The following EPM2A variants were observed in gnomAD, a reference collection of about 807,000 sequenced individuals.
The protein encoded by EPM2A is laforin.
A neutral mutation model predicts 26.5 loss-of-function variants in EPM2A; 21 were observed. The observed-to-expected ratio is 0.79, with a 90% CI of 0.56 to 1.14. The LOEUF is 1.14. EPM2A is among the 50% of genes most tolerant of loss of function. EPM2A has a pLI of 0.00. For missense variants in EPM2A, 458 were observed against 440.8 expected, an observed-to-expected ratio of 1.04 and a Z score of -0.35; for synonymous variants, 217 against 177.6, an observed-to-expected ratio of 1.22 and a Z score of -1.76.
rs531327192 is a variant in EPM2A, at chr6:145,675,695, A to G, written c.476+10427T>C. Among the ~76,000 whole-genome samples the G allele has an allele frequency of 1.8e-3, 275 of 152,348 alleles. 1 individual carries two copies. Among genetic ancestry groups the G allele is most frequent in the African/African-American group, 6.4e-3 (268 of 41,588 alleles). On this transcript the variant is annotated intron_variant, in intron 2 of 3. Coordinates refer to ENST00000367519, the MANE Select transcript of EPM2A (RefSeq NM_005670.4). ...AGATTAAAAGAGATAAGGCCATTAC[A>G]TAATGGTAAAGGGATCAATTCAACA...
intron 2 of EPM2A, among the ~76,000 whole-genome samples, chr6:145,509,273 C>G (rs1401994491): frequency 6.6e-6 from 1 of 151,974 alleles, no homozygotes; most frequent in Non-Finnish European, 1.5e-5. Flanking sequence ...TGAACATCAC[C>G]AAGGTACATA....
chr6:145,434,517 A>T (rs987876174), intron 4 of EPM2A, among the ~76,000 whole-genome samples: 2 of 151,836 alleles, frequency 1.3e-5, no homozygotes, highest in South Asian at 4.2e-4. Context: ...TATTTCTGGG[A>T]TTTCTATTTG....
At chr6:145,463,580 G>A (rs1779352630) in intron 4 of EPM2A, among the ~76,000 whole-genome samples, 2 of 151,804 alleles carry the variant, frequency 1.3e-5, no homozygotes, top group African/African-American at 4.8e-5. Context: ...ATATGTGCTG[G>A]AGATCTTTCC....
At chr6:145,393,455 A>T (rs1489455502) in intron 4 of EPM2A, among the ~76,000 whole-genome samples, 3 of 152,202 alleles carry the variant, frequency 2.0e-5, no homozygotes, top group Non-Finnish European at 2.9e-5. Context: ...CCTGATCATC[A>T]TAAAGAAAAC....
At chr6:145,483,590 T>C (rs1233726357) in intron 4 of EPM2A, among the ~76,000 whole-genome samples, 3 of 152,164 alleles carry the variant, frequency 2.0e-5, no homozygotes, top group Non-Finnish European at 4.4e-5. Flanking sequence ...AAGTGAATCA[T>C]CCAGAGATAA....
intron 3 of EPM2A, among the ~76,000 whole-genome samples, chr6:145,634,327 C>A (rs1776491716): frequency 6.6e-6 from 1 of 152,206 alleles, no homozygotes; most frequent in Admixed American, 6.5e-5. Context: ...TTCCATGCTT[C>A]TGTGCCATAG....
At position 145,490,788 on chromosome 6, in the gene EPM2A, C is replaced by T. The variant is rs1029673502; in HGVS notation, c.555+11734G>A. 4.6e-5 allele frequency: 26 copies of T among 570,542 alleles called. 1 individual carries two copies. Among genetic ancestry groups the T allele is most frequent in the Middle Eastern group, 2.9e-4 (1 of 3,498 alleles). The allele number at this position is 570,542 out of a possible 1,614,324, so 35.3% of individuals were successfully genotyped here. A position where few individuals can be genotyped will look rare whatever the true frequency, so the allele number is the denominator to read the frequency against. On this transcript the variant is annotated intron_variant, in intron 4 of 4. Transcript: ENST00000638717. ...TGTGACAACTGACGTTCCACAGTTT[C>T]GATACTTTCTACCTGTATGCTTGTA... is the stretch of plus-strand genomic sequence containing the variant.
intron 2 of EPM2A, among the ~76,000 whole-genome samples, chr6:145,683,292 TGTGTGTGTGTGTGTGA>T (rs1229294050): frequency 1.2e-4 from 18 of 149,808 alleles, no homozygotes; most frequent in African/African-American, 3.7e-4. Flanking sequence ...TGTGTGTGTG[TGTGTGTGTGTGTGTGA>T]GTGTGTATAT....
At chr6:145,455,249 G>T (rs1779247880) in intron 4 of EPM2A, among the ~76,000 whole-genome samples, 1 of 151,786 alleles carries the variant, frequency 6.6e-6, no homozygotes, top group Admixed American at 6.6e-5. Flanking sequence ...ATATGTATAT[G>T]AATTTATATA....
intron 2 of EPM2A, among the ~76,000 whole-genome samples, chr6:145,643,454 G>A (rs1035324875): frequency 2.6e-5 from 4 of 152,096 alleles, no homozygotes; most frequent in African/African-American, 9.7e-5. Context: ...CACTGGATAT[G>A]TAGCCCATCA....
chr6:145,680,893 T>C (rs702310), intron 2 of EPM2A, among the ~76,000 whole-genome samples: 79,208 of 149,908 alleles, frequency 0.53, 21,427 homozygotes, highest in East Asian at 0.66. Flanking sequence ...TTATAGTCCT[T>C]TGGGTATATA....
chr6:145,697,602 C>A (rs982634237), intron 1 of EPM2A, among the ~76,000 whole-genome samples: 1 of 151,984 alleles, frequency 6.6e-6, no homozygotes, highest in African/African-American at 2.4e-5. Context: ...TAAAAGATGG[C>A]CGCCCCCCGA....
At chr6:145,549,776 C>T (rs938936266) in intron 2 of EPM2A, among the ~76,000 whole-genome samples, 1 of 152,096 alleles carries the variant, frequency 6.6e-6, no homozygotes, top group Non-Finnish European at 1.5e-5. Flanking sequence ...TGTCCTCTGT[C>T]CCAAAACAAG....
intron 4 of EPM2A, among the ~76,000 whole-genome samples, chr6:145,409,886 G>A (rs974213475): frequency 6.6e-6 from 1 of 152,216 alleles, no homozygotes; most frequent in African/African-American, 2.4e-5. Context: ...CTGCCTGAAT[G>A]TCCTGATGAC....
intron 2 of EPM2A, among the ~76,000 whole-genome samples, chr6:145,535,936 G>T (rs1780424992): frequency 6.6e-6 from 1 of 152,148 alleles, no homozygotes; most frequent in African/African-American, 2.4e-5. Context: ...TTAAGGTAGG[G>T]GAAAAAATCC....
chr6:145,525,301 C>A (rs993305417), intron 2 of EPM2A, among the ~76,000 whole-genome samples: 2 of 150,746 alleles, frequency 1.3e-5, no homozygotes, highest in South Asian at 4.2e-4. Context: ...TTTTTCGGTT[C>A]CAAATGAGTT....
At chr6:145,520,895 A>T (rs1051742867) in intron 2 of EPM2A, among the ~76,000 whole-genome samples, 2 of 152,226 alleles carry the variant, frequency 1.3e-5, no homozygotes, top group African/African-American at 4.8e-5. Context: ...CATGTTTTTA[A>T]TAAGTCAATT....
intron 1 of EPM2A, among the ~76,000 whole-genome samples, chr6:145,724,534 T>C (rs1180160137): frequency 1.3e-5 from 2 of 152,066 alleles, no homozygotes; most frequent in Admixed American, 1.3e-4. Flanking sequence ...GAAAAGCATA[T>C]GACCAACAAG....
intron 2 of EPM2A, among the ~76,000 whole-genome samples, chr6:145,599,113 T>C (rs1017822517): frequency 2.0e-5 from 3 of 152,208 alleles, no homozygotes; most frequent in African/African-American, 7.2e-5. Flanking sequence ...TTTACATGAA[T>C]TTTAAGATAG....
Sources: gnomAD v4.1 joint callset for allele counts (sites outside exome capture counted in the v4.1 genomes callset) on GRCh38, gnomAD v4.1.1 for gene constraint, MANE v1.5 for transcripts, NCBI Gene and HGNC (gene_info 2026-07-23, HGNC 2026-07-21) for gene names.